Variants in KIF13A observed in about 807,000 individuals in gnomAD.
The protein encoded by KIF13A is kinesin-like protein KIF13A.
A neutral mutation model predicts 212.2 loss-of-function variants in KIF13A; 79 were observed. The ratio of observed to expected loss-of-function variants is 0.37; its 90% confidence interval spans 0.31 to 0.45. The LOEUF (loss-of-function observed/expected upper bound fraction) is 0.45. KIF13A is among the 20% of genes least tolerant of loss of function. The pLI, the probability that KIF13A is intolerant of heterozygous loss-of-function variation, is 1.00. For synonymous variants in KIF13A, 789 were observed against 808.6 expected (o/e 0.98, Z 0.41); for missense variants, 1,901 against 2,209.0 (o/e 0.86, Z 2.79).
At chr6:17,981,604 A>G (rs566212290) in intron 2 of KIF13A, among the ~76,000 whole-genome samples, 1 of 151,556 alleles carries the variant, frequency 6.6e-6, no homozygotes, top group East Asian at 2.0e-4. Flanking sequence ...TTTGTATTTT[A>G]GTAGATATGG....
chr6:17,859,558 T>TAG lies in KIF13A; in HGVS notation c.221-3437_221-3436insCT, dbSNP rs1768498571. Reference sequence around the variant, plus strand: ...ACCTATTAAACTTGTATTCTTTTATTATTTATGCTACTAAGGAAAAGCAAA... The same window carrying TAG: ...ACCTATTAAACTTGTATTCTTTTATTAGATTTATGCTACTAAGGAAAAGCAAA... On this transcript the variant is annotated intron_variant, in intron 4 of 38. Transcript: ENST00000259711. 2.0e-5 allele frequency among the ~76,000 whole-genome samples: 3 copies of TAG among 150,504 alleles called. No individual in the cohort carries two copies. The East Asian group carries it at 5.8e-4, about 29-fold the overall frequency.
At chr6:17,831,999 T>C (rs532329137) in intron 12 of KIF13A, among the ~76,000 whole-genome samples, 4 of 152,166 alleles carry the variant, frequency 2.6e-5, no homozygotes, top group South Asian at 4.2e-4. Context: ...GTACATAGAA[T>C]TTCCAATGGT....
At position 17,892,596 on chromosome 6, in the gene KIF13A, G is replaced by A. The variant is rs1257962019; in HGVS notation, c.159+5572C>T. On this transcript the variant is annotated intron_variant, in intron 3 of 38. Coordinates refer to ENST00000259711, the MANE Select transcript of KIF13A (RefSeq NM_022113.6). The surrounding 1 kb of genome is among the most constrained non-coding windows in gnomAD (Gnocchi z 4.7). ...CTGCTTACCAGAAAGACCAAGGCAGGATTAGAGGGTTGGAACATTTAGCCC... is the reference window on the plus strand; with the variant it reads ...CTGCTTACCAGAAAGACCAAGGCAGAATTAGAGGGTTGGAACATTTAGCCC... Among the ~76,000 whole-genome samples, 1 of 152,220 alleles carries A rather than the reference G, an allele frequency of 6.6e-6. No individual in the cohort carries two copies. Among genetic ancestry groups the A allele is most frequent in the African/African-American group, 2.4e-5 (1 of 41,454 alleles).
intron 11 of KIF13A, among the ~76,000 whole-genome samples, chr6:17,836,051 A>G (rs547024139): frequency 2.6e-5 from 4 of 152,316 alleles, no homozygotes; most frequent in Admixed American, 6.5e-5. Flanking sequence ...AATATTTCAA[A>G]TAAGACAGTG....
In KIF13A at chr6:17,843,988, T is replaced by G. The variant is rs1021212671; in HGVS notation, c.830+5389A>C. 6.7e-6 allele frequency among the ~76,000 whole-genome samples: 1 copy of G among 148,286 alleles called. No individual in the cohort carries two copies. The highest frequency in any genetic ancestry group is 6.9e-5 in the Admixed American group (1 of 14,478). On this transcript the variant is annotated intron_variant, in intron 9 of 38. Transcript: ENST00000259711. The surrounding 1 kb of genome is among the most constrained non-coding windows in gnomAD (Gnocchi z 5.3). ...TGAACCCAGGAGATGGAGGTCGCAG[T>G]GAGCCGAGATCGTGCCACTGTACTC...
chr6:17,873,348 A>G (rs1054169704), intron 4 of KIF13A, 29 bp downstream of exon 4: 1 of 1,507,904 alleles, frequency 6.6e-7, no homozygotes, highest in Admixed American at 1.9e-5. Flanking sequence ...CAGAAGCCCA[A>G]CTGTCAGGTG....
intron 3 of KIF13A, among the ~76,000 whole-genome samples, chr6:17,878,895 C>A (rs888944128): frequency 2.0e-5 from 3 of 152,154 alleles, no homozygotes; most frequent in Admixed American, 1.3e-4. Flanking sequence ...TCTTTGCTTG[C>A]CAAAGAGCAG....
At chr6:17,821,823 C>T (rs779508569) in intron 16 of KIF13A, 1 of 1,535,242 alleles carries the variant, frequency 6.5e-7, no homozygotes. Flanking sequence ...TCGTCTGAAA[C>T]CACATGAGAG....
Position 17,764,992 on chromosome 6 carries a change from T to A in KIF13A, c.4582-46A>T. ...TCAGTCATTAGCTCCTTGTAGCAAC[T>A]GTACTGTTGAGACAAGTTTTAAATA... On this transcript the variant is annotated intron_variant, in intron 38 of 38. Transcript: ENST00000259711. This position sits in a 1 kb window ranked among gnomAD's most constrained non-coding sequence, Gnocchi z 5.1. 1 of 1,406,412 alleles carries A rather than the reference T, an allele frequency of 7.1e-7. No homozygotes were observed. The highest frequency in any genetic ancestry group is 9.7e-7 in the Non-Finnish European group (1 of 1,035,822). 87.1% of individuals were successfully genotyped at this position (1,406,412 alleles called of 1,614,324 possible).
At chr6:17,950,103 G>GAT (rs1162797760) in intron 2 of KIF13A, among the ~76,000 whole-genome samples, 1 of 152,098 alleles carries the variant, frequency 6.6e-6, no homozygotes, top group Non-Finnish European at 1.5e-5. Flanking sequence ...GTTTTCCTAG[G>GAT]ATATATAGTC....
intron 32 of KIF13A, among the ~76,000 whole-genome samples, 162 bp from the exon 33 acceptor site, chr6:17,779,261 T>TATATATAC (rs1760296678): frequency 1.5e-3 from 9 of 6,028 alleles, no homozygotes; most frequent in Non-Finnish European, 2.0e-3. Context: ...ATATATATTT[T>TATATATAC]TTTTTTTTTT....
intron 20 of KIF13A, among the ~76,000 whole-genome samples, chr6:17,804,083 C>T (rs1365148541): frequency 1.3e-5 from 2 of 152,108 alleles, no homozygotes; most frequent in East Asian, 1.9e-4. Flanking sequence ...ACCCGGAAGG[C>T]GGAGCTTGCA....
At chr6:17,936,583 T>C (rs1181243936) in intron 2 of KIF13A, among the ~76,000 whole-genome samples, 2 of 152,178 alleles carry the variant, frequency 1.3e-5, no homozygotes, top group East Asian at 3.9e-4. Flanking sequence ...TTTGCAGGTA[T>C]TATGTGCCAG....
In KIF13A at chr6:17,809,589, G is replaced by T. The variant is rs1227191839; in HGVS notation, c.2001-659C>A. 6.6e-6 allele frequency among the ~76,000 whole-genome samples: 1 copy of T among 152,170 alleles called. No individual in the cohort carries two copies. On this transcript the variant is annotated intron_variant, in intron 17 of 38. Transcript: ENST00000259711. The surrounding 1 kb of genome is among the most constrained non-coding windows in gnomAD (Gnocchi z 4.7). ...ATATCTGTCTCCTACTAGGCTGTTA[G>T]GTTGCCCCAAGGCAGGGACCATGTC...
In KIF13A at chr6:17,771,555, T is replaced by A; in HGVS notation, c.4477-337A>T. 2.9e-6 allele frequency: 1 copy of A among 347,552 alleles called. No homozygotes were observed. Among genetic ancestry groups the A allele is most frequent in the Non-Finnish European group, 5.2e-6 (1 of 192,510 alleles). 21.5% of individuals were successfully genotyped at this position (347,552 alleles called of 1,614,324 possible). On this transcript the variant is annotated intron_variant, in intron 37 of 38. Coordinates refer to ENST00000259711, the MANE Select transcript of KIF13A (RefSeq NM_022113.6). This position sits in a 1 kb window ranked among gnomAD's most constrained non-coding sequence, Gnocchi z 5.4. ...CAGCCTGGGCAACACAGCAAGACCC[T>A]ATCTCTATAAAAAACAAAATCAGAA... is the stretch of plus-strand genomic sequence containing the variant.
intron 14 of KIF13A, among the ~76,000 whole-genome samples, chr6:17,827,813 C>T (rs932823070): frequency 3.9e-5 from 6 of 152,086 alleles, no homozygotes; most frequent in Non-Finnish European, 7.4e-5. Context: ...TGAGCCACCC[C>T]GCCTAGCCAA....
chr6:17,970,849 T>C (rs933023778), intron 2 of KIF13A, among the ~76,000 whole-genome samples: 1 of 152,232 alleles, frequency 6.6e-6, no homozygotes, highest in African/African-American at 2.4e-5. Context: ...CTACAACACT[T>C]GATAGTGCTT....
chr6:17,793,525 A>C (rs1266084291), intron 25 of KIF13A, among the ~76,000 whole-genome samples: 1 of 152,226 alleles, frequency 6.6e-6, no homozygotes, highest in African/African-American at 2.4e-5. Flanking sequence ...TTTAATGAGC[A>C]AAAATGATCA....
chr6:17,798,806 C>T (rs930999590), intron 22 of KIF13A, among the ~76,000 whole-genome samples: 2 of 152,136 alleles, frequency 1.3e-5, no homozygotes, highest in Non-Finnish European at 2.9e-5. Context: ...AAACATATCA[C>T]TCATATGATA....
Sources: allele counts gnomAD v4.1 joint callset (sites outside exome capture counted in the v4.1 genomes callset), GRCh38; gene constraint gnomAD v4.1.1; non-coding constraint Gnocchi (gnomAD v3.1); transcripts MANE v1.5; gene names NCBI Gene and HGNC (gene_info 2026-07-23, HGNC 2026-07-21).